Variants in PATE4 observed in about 807,000 individuals in gnomAD.
PATE4 encodes prostate and testis expressed protein 4.
Under a neutral mutation model 8.5 loss-of-function variants are expected in PATE4, and 13 were observed. That is an observed-to-expected ratio of 1.53 (90% CI 1.00 to 2.43). The LOEUF (loss-of-function observed/expected upper bound fraction) is 2.43. Ranked by LOEUF, PATE4 falls within the 30% of genes most tolerant of loss-of-function variation. PATE4 has a pLI of 0.00. For synonymous variants in PATE4, 47 were observed against 39.3 expected, an observed-to-expected ratio of 1.20 and a Z score of -0.73; for missense variants, 127 against 115.5, an observed-to-expected ratio of 1.10 and a Z score of -0.46.
intron 1 of PATE4, among the ~76,000 whole-genome samples, chr11:125,837,357 C>CA (rs1305618697): frequency 6.6e-6 from 1 of 152,150 alleles, no homozygotes; most frequent in East Asian, 1.9e-4. Context: ...GGTGTAATCT[C>CA]AGACAGTCCA....
intron 1 of PATE4, chr11:125,835,889 A>T (rs1441464221): frequency 6.6e-6 from 1 of 152,232 alleles, no homozygotes; most frequent in Non-Finnish European, 1.5e-5. Context: ...GAAATAGAGA[A>T]AAAGTTAAAG....
intron 1 of PATE4, among the ~76,000 whole-genome samples, chr11:125,837,352 A>C (rs1441343813): frequency 6.6e-6 from 1 of 152,146 alleles, no homozygotes; most frequent in Non-Finnish European, 1.5e-5. Context: ...CAGAGGGTGT[A>C]ATCTCAGACA....
Position 125,838,791 on chromosome 11 carries a change from T to C in PATE4, c.*364T>C, listed in dbSNP as rs564358695. 5 of 184,480 alleles carry C rather than the reference T, an allele frequency of 2.7e-5. No homozygotes were observed. The highest frequency in any genetic ancestry group is 9.3e-5 in the African/African-American group (4 of 42,986). 11.4% of individuals were successfully genotyped at this position (184,480 alleles called of 1,614,324 possible). ...GGCAAAAGGGACTTTGAAAATGTGA[T>C]TAAGGATCTTGAGAAGGGGAGGTTA... On this transcript the variant is annotated 3_prime_UTR_variant, in exon 3 of 3. Transcript: ENST00000457514.
rs150209858 is a variant in PATE4, at chr11:125,839,458, C to A, written c.*1031C>A. ...GTTCTGAAGCAATCAAACATGATGTCCTAATAGCTCAATTTATCAGTTCCT... is the reference window on the plus strand; with the variant it reads ...GTTCTGAAGCAATCAAACATGATGTACTAATAGCTCAATTTATCAGTTCCT... On this transcript the variant is annotated 3_prime_UTR_variant, in exon 3 of 3. Coordinates refer to ENST00000457514, the MANE Select transcript of PATE4 (RefSeq NM_001144874.1). 4 of 152,284 alleles carry A rather than the reference C, an allele frequency of 2.6e-5. No homozygotes were observed. In the East Asian group the frequency reaches 7.7e-4, roughly 29 times the overall value. The allele number at this position is 152,284 out of a possible 1,614,324, so 9.4% of individuals were successfully genotyped here.
Position 125,838,464 on chromosome 11 carries a change from G to A in PATE4, c.*37G>A. On this transcript the variant is annotated 3_prime_UTR_variant, in exon 3 of 3. Coordinates refer to ENST00000457514, the MANE Select transcript of PATE4 (RefSeq NM_001144874.1). Reference sequence around the variant, plus strand: ...AACTTGCAGAGGATCATCTGATCAAGATCCAGAATCAAGACCAACCAACAT... The same window carrying A: ...AACTTGCAGAGGATCATCTGATCAAAATCCAGAATCAAGACCAACCAACAT... 2.0e-6 allele frequency: 3 copies of A among 1,519,406 alleles called. No homozygotes were observed. The highest frequency in any genetic ancestry group is 2.6e-6 in the Non-Finnish European group (3 of 1,136,716). 94.1% of individuals were successfully genotyped at this position (1,519,406 alleles called of 1,614,324 possible). A position where few individuals can be genotyped will look rare whatever the true frequency, so the allele number is the denominator to read the frequency against.
At position 125,839,429 on chromosome 11, in the gene PATE4, C is replaced by G. The variant is rs1021703856; in HGVS notation, c.*1002C>G. ...TGTATCTGTGGTAAATGGTGCCTTG[C>G]TATGTTCTGAAGCAATCAAACATGA... On this transcript the variant is annotated 3_prime_UTR_variant, in exon 3 of 3. Transcript: ENST00000457514. 1 of 152,170 alleles carries G rather than the reference C, an allele frequency of 6.6e-6. No homozygotes were observed. Among genetic ancestry groups the G allele is most frequent in the Non-Finnish European group, 1.5e-5 (1 of 68,040 alleles). The allele number at this position is 152,170 out of a possible 1,614,324, so 9.4% of individuals were successfully genotyped here. A position where few individuals can be genotyped will look rare whatever the true frequency, so the allele number is the denominator to read the frequency against.
chr11:125,836,421 G>A (rs1421172746), intron 1 of PATE4, among the ~76,000 whole-genome samples: 1 of 152,104 alleles, frequency 6.6e-6, no homozygotes, highest in East Asian at 1.9e-4. Context: ...CTGCTCACCT[G>A]ACCAGCCATG....
Position 125,839,727 on chromosome 11 carries a change from C to G in PATE4, c.*1300C>G, listed in dbSNP as rs760855563. 1 of 152,152 alleles carries G rather than the reference C, an allele frequency of 6.6e-6. No individual in the cohort carries two copies. The highest frequency in any genetic ancestry group is 1.5e-5 in the Non-Finnish European group (1 of 68,056). 9.4% of individuals were successfully genotyped at this position (152,152 alleles called of 1,614,324 possible). ...CAGGAAAACTCTCCCTTATAATAACCATCAGATCTTGTGAGACTTACTCAC... is the reference window on the plus strand; with the variant it reads ...CAGGAAAACTCTCCCTTATAATAACGATCAGATCTTGTGAGACTTACTCAC... On this transcript the variant is annotated 3_prime_UTR_variant, in exon 3 of 3. Transcript: ENST00000457514.
At position 125,837,913 on chromosome 11, in the gene PATE4, A is replaced by T. The variant is rs895804500; in HGVS notation, c.104A>T (p.Lys35Met). 4 of 1,551,480 alleles carry T rather than the reference A, an allele frequency of 2.6e-6. No homozygotes were observed. The African/African-American group carries it at 5.5e-5, about 21-fold the overall frequency. ...CNTCIYTEGWKCMAGRGTCIA... is the reference protein window; with the variant it reads ...CNTCIYTEGWMCMAGRGTCIA... ...ACCTGCATATACACAGAAGGATGGA[A>T]GTGTATGGCAGGCCGAGGCACTTGC... The change falls in exon 2 of 3, where the codon AAG (lysine) becomes ATG (methionine). Residue 35 changes from lysine (K) to methionine (M), a missense_variant. Coordinates refer to ENST00000457514, the MANE Select transcript of PATE4 (RefSeq NM_001144874.1).
chr11:125,837,737 A>C (rs1425748987), intron 1 of PATE4, 131 bp from the exon 2 acceptor site: 2 of 595,036 alleles, frequency 3.4e-6, no homozygotes, highest in African/African-American at 3.7e-5. Flanking sequence ...ATTAATCAGG[A>C]ATTCCACAAA....
At chr11:125,833,626 T>C (rs1392782334) in intron 1 of PATE4, among the ~76,000 whole-genome samples, 1 of 152,152 alleles carries the variant, frequency 6.6e-6, no homozygotes, top group African/African-American at 2.4e-5. Flanking sequence ...TTTTCCAACT[T>C]CATATTAATT....
At chr11:125,837,783 T>A (rs946329872) in intron 1 of PATE4, 85 bp from the exon 2 acceptor site, 28 of 877,148 alleles carry the variant, frequency 3.2e-5, no homozygotes, top group Middle Eastern at 5.2e-4. Context: ...GTATCGTCAA[T>A]ATGCAACCTC....
At chr11:125,838,222 G>C (rs1943934243) in intron 2 of PATE4, 84 bp from the exon 3 acceptor site, 4 of 1,395,368 alleles carry the variant, frequency 2.9e-6, no homozygotes, top group Middle Eastern at 2.0e-4. Flanking sequence ...AGTGTTAAGT[G>C]CTATTCCTCT....
rs1288267644 is a variant in PATE4 at position 125,838,173 on chromosome 11, C to T, written c.176-133C>T. ...TAGTATCCAGAGCCAGTTACGGTGG[C>T]GATTGGGAACATGAACCCAGGAGCC... is the stretch of plus-strand genomic sequence containing the variant. On this transcript the variant is annotated intron_variant, in intron 2 of 2. Transcript: ENST00000457514. 13 of 1,124,382 alleles carry T rather than the reference C, an allele frequency of 1.2e-5. No homozygotes were observed. The Admixed American group carries it at 1.4e-4, about 12-fold the overall frequency. 69.7% of individuals were successfully genotyped at this position (1,124,382 alleles called of 1,614,324 possible). A position where few individuals can be genotyped will look rare whatever the true frequency, so the allele number is the denominator to read the frequency against.
chr11:125,837,867 G>A lies in PATE4; in HGVS notation c.59-1G>A, dbSNP rs939130289. On this transcript the variant is annotated splice_acceptor_variant, in intron 1 of 2. Transcript: ENST00000457514. LOFTEE classifies it high-confidence loss of function. ...AATATTCTATTCTCTCCACCCTGCA[G>A]TTATGGGTCTGAAGTGTAATACCTG... The A allele has an allele frequency of 3.3e-5, 51 of 1,548,402 alleles. No homozygotes were observed. The highest frequency in any genetic ancestry group is 1.6e-4 in the African/African-American group (12 of 72,956).
At chr11:125,837,167 C>T (rs75865629) in intron 1 of PATE4, among the ~76,000 whole-genome samples, 4,395 of 152,210 alleles carry the variant, frequency 0.029, 214 homozygotes, top group African/African-American at 0.1. Flanking sequence ...CCATCATCAC[C>T]ATCACTTAGT....
At position 125,838,167 on chromosome 11, in the gene PATE4, C is replaced by T. The variant is rs551726932; in HGVS notation, c.176-139C>T. 4.7e-4 allele frequency: 509 copies of T among 1,079,048 alleles called. 9 individuals are homozygous for T. In the South Asian group the frequency reaches 7.8e-3, roughly 17 times the overall value. The allele number at this position is 1,079,048 out of a possible 1,614,324, so 66.8% of individuals were successfully genotyped here. ...AGGGTTTAGTATCCAGAGCCAGTTA[C>T]GGTGGCGATTGGGAACATGAACCCA... On this transcript the variant is annotated intron_variant, in intron 2 of 2. Coordinates refer to ENST00000457514, the MANE Select transcript of PATE4 (RefSeq NM_001144874.1).
chr11:125,838,303 C>T lies in PATE4; in HGVS notation c.176-3C>T, dbSNP rs10160391. ...CATTTATAACAGGCTTCTTCATTTT[C>T]AGGAGACAAACATATGTACTCAACA... On this transcript the variant is annotated splice_polypyrimidine_tract_variant and splice_region_variant and intron_variant, in intron 2 of 2. Transcript: ENST00000457514. 0.89 allele frequency: 1,357,198 copies of T among 1,532,476 alleles called. 601,927 individuals carry two copies. The highest frequency in any genetic ancestry group is 1 in the East Asian group (40,801 of 40,852). The allele number at this position is 1,532,476 out of a possible 1,614,324, so 94.9% of individuals were successfully genotyped here.
chr11:125,834,657 T>C (rs1248470948), intron 1 of PATE4, among the ~76,000 whole-genome samples: 2 of 152,218 alleles, frequency 1.3e-5, no homozygotes, highest in Non-Finnish European at 2.9e-5. Flanking sequence ...GTTTACTTTT[T>C]ATCCAGCAAT....
Sources: gnomAD v4.1 joint callset for allele counts (sites outside exome capture counted in the v4.1 genomes callset) on GRCh38, gnomAD v4.1.1 for gene constraint, MANE v1.5 for transcripts, NCBI Gene and HGNC (gene_info 2026-07-23, HGNC 2026-07-21) for gene names.